TBC1D5: variants seen among roughly 807,000 people sequenced by gnomAD.
TBC1D5 encodes TBC1 domain family member 5.
TBC1D5 carries 75 observed loss-of-function variants against 100.3 expected under a neutral mutation model. The ratio of observed to expected loss-of-function variants is 0.75; its 90% CI spans 0.62 to 0.91. The LOEUF (loss-of-function observed/expected upper bound fraction) is 0.91. TBC1D5 is among the 40% of genes least tolerant of loss of function. TBC1D5 has a pLI of 0.00. For missense variants in TBC1D5, 910 were observed against 942.4 expected (o/e 0.97, Z 0.45); for synonymous variants, 323 against 325.6 (o/e 0.99, Z 0.09).
chr3:17,270,830 T>C (rs1394953399), intron 15 of TBC1D5, among the ~76,000 whole-genome samples: 1 of 152,208 alleles, frequency 6.6e-6, no homozygotes, highest in Non-Finnish European at 1.5e-5. Context: ...TTCTTCTGCA[T>C]ATAGTTAGCC....
At chr3:17,602,706 G>T (rs1044240195) in intron 2 of TBC1D5, among the ~76,000 whole-genome samples, 1 of 150,302 alleles carries the variant, frequency 6.7e-6, no homozygotes. Flanking sequence ...CCAAGTAGCC[G>T]AGACTACAGG....
At chr3:17,609,108 T>C (rs1309880576) in intron 2 of TBC1D5, among the ~76,000 whole-genome samples, 3 of 152,242 alleles carry the variant, frequency 2.0e-5, no homozygotes, top group Non-Finnish European at 4.4e-5. Context: ...AAGGGCCTAA[T>C]TACCATACTT....
chr3:17,569,314 T>C (rs1209468314), intron 2 of TBC1D5, among the ~76,000 whole-genome samples: 2 of 151,832 alleles, frequency 1.3e-5, no homozygotes, highest in East Asian at 1.9e-4. Context: ...TCCTCCATAA[T>C]GTAGGCTAGA....
chr3:17,401,828 G>T (rs915763214), intron 8 of TBC1D5, among the ~76,000 whole-genome samples: 13 of 152,010 alleles, frequency 8.6e-5, no homozygotes, highest in African/African-American at 3.1e-4. Flanking sequence ...TTTTTAAAAG[G>T]CCTGTTTACT....
At chr3:17,465,509 A>G (rs1182044246) in intron 3 of TBC1D5, 2 of 153,596 alleles carry the variant, frequency 1.3e-5, no homozygotes, top group Non-Finnish European at 2.9e-5. Context: ...GATGAGAACT[A>G]ACTGCTGATC....
intron 17 of TBC1D5, among the ~76,000 whole-genome samples, chr3:17,219,640 C>G (rs189327844): frequency 6.6e-6 from 1 of 152,034 alleles, no homozygotes. Flanking sequence ...CAAATGGTGA[C>G]AATTCACTGG....
intron 2 of TBC1D5, among the ~76,000 whole-genome samples, chr3:17,613,669 C>A (rs985145896): frequency 6.6e-6 from 1 of 152,200 alleles, no homozygotes; most frequent in Non-Finnish European, 1.5e-5. Context: ...TTTCTGTTGG[C>A]TGCATAAATG....
At chr3:17,687,773 C>T (rs1253584834) in intron 1 of TBC1D5, among the ~76,000 whole-genome samples, 6 of 152,186 alleles carry the variant, frequency 3.9e-5, no homozygotes, top group African/African-American at 2.4e-5. Context: ...AATATTCCAC[C>T]TTATATCTTA....
intron 1 of TBC1D5, among the ~76,000 whole-genome samples, chr3:17,639,063 C>A (rs1398470713): frequency 1.3e-5 from 2 of 152,058 alleles, no homozygotes; most frequent in Non-Finnish European, 2.9e-5. Flanking sequence ...GACTTGAGCA[C>A]AAATATTCTT....
chr3:17,219,241 A>G (rs1484757503), intron 17 of TBC1D5, among the ~76,000 whole-genome samples: 2 of 151,830 alleles, frequency 1.3e-5, no homozygotes, highest in African/African-American at 2.4e-5. Context: ...CAACTTCAGA[A>G]TATCTATTTA....
At chr3:17,380,618 C>T (rs1430709875) in intron 9 of TBC1D5, among the ~76,000 whole-genome samples, 1 of 151,906 alleles carries the variant, frequency 6.6e-6, no homozygotes, top group Non-Finnish European at 1.5e-5. Flanking sequence ...AGCCTTTATC[C>T]CTGCTAGATT....
chr3:17,596,352 G>A lies in TBC1D5; in HGVS notation c.-36+27497C>T, dbSNP rs191310540. Among the ~76,000 whole-genome samples the A allele has an allele frequency of 4.6e-5, 6 of 130,642 alleles. No individual in the cohort carries two copies. In the East Asian group the frequency reaches 1.3e-3, roughly 28 times the overall value. 85.7% of individuals were successfully genotyped at this position (130,642 alleles called of 152,430 possible). On this transcript the variant is annotated intron_variant, in intron 2 of 21. Coordinates refer to ENST00000253692, the Ensembl canonical transcript of TBC1D5. ...TTTTTTTTTCCGGAGACACAGTCTC[G>A]CAGTCGCCCAGGCTGGAGTGCAGTC...
chr3:17,710,508 G>C (rs898424483), intron 1 of TBC1D5, among the ~76,000 whole-genome samples: 1 of 151,894 alleles, frequency 6.6e-6, no homozygotes, highest in African/African-American at 2.4e-5. Context: ...AGGTTGCAGT[G>C]AGCTGAGATC....
intron 19 of TBC1D5, among the ~76,000 whole-genome samples, chr3:17,177,116 A>T (rs957381078): frequency 1.5e-4 from 23 of 152,308 alleles, no homozygotes; most frequent in South Asian, 2.1e-4. Flanking sequence ...AAATTTTTTT[A>T]AAAAAAGAAA....
At chr3:17,362,762 G>A (rs943571652) in intron 13 of TBC1D5, among the ~76,000 whole-genome samples, 5 of 152,158 alleles carry the variant, frequency 3.3e-5, no homozygotes, top group African/African-American at 1.2e-4. Context: ...ATGAGCCACT[G>A]CGCAAGGCTC....
chr3:17,536,858 T>C (rs1160456113), intron 2 of TBC1D5, among the ~76,000 whole-genome samples: 2 of 152,196 alleles, frequency 1.3e-5, no homozygotes, highest in African/African-American at 2.4e-5. Flanking sequence ...CTTGAAGTCA[T>C]AGAAAGAAAT....
At chr3:17,356,215 C>T (rs2091198507) in intron 13 of TBC1D5, among the ~76,000 whole-genome samples, 1 of 151,984 alleles carries the variant, frequency 6.6e-6, no homozygotes, top group African/African-American at 2.4e-5. Context: ...ATAAAAACAC[C>T]CATTCATAAA....
At chr3:17,521,270 C>T (rs1004029300) in intron 2 of TBC1D5, among the ~76,000 whole-genome samples, 5 of 152,122 alleles carry the variant, frequency 3.3e-5, no homozygotes, top group Non-Finnish European at 7.4e-5. Flanking sequence ...TCTGCATGTA[C>T]CTCTCCTGAG....
chr3:17,639,267 A>G (rs2064270339), intron 1 of TBC1D5, among the ~76,000 whole-genome samples: 1 of 152,176 alleles, frequency 6.6e-6, no homozygotes, highest in Non-Finnish European at 1.5e-5. Context: ...AAAGATAGGC[A>G]CCACAGACCA....
Sources: allele counts gnomAD v4.1 joint callset (sites outside exome capture counted in the v4.1 genomes callset), GRCh38; gene constraint gnomAD v4.1.1; transcripts MANE v1.5; gene names NCBI Gene and HGNC (gene_info 2026-07-23, HGNC 2026-07-21).